Variants in ARHGEF10 observed in about 807,000 individuals in gnomAD.
ARHGEF10 encodes the protein Rho guanine nucleotide exchange factor 10, also known as Rho guanine nucleotide exchange factor (GEF) 10.
A neutral mutation model predicts 147.4 loss-of-function variants in ARHGEF10; 140 were observed. The observed-to-expected ratio is 0.95, with a 90% CI of 0.83 to 1.09. The LOEUF (loss-of-function observed/expected upper bound fraction) is 1.09, where lower values mean the gene tolerates loss of function less well. Ranked by LOEUF, ARHGEF10 falls within the 50% of genes least tolerant of loss-of-function variation. The probability of loss-of-function intolerance (pLI) is 0.00; values close to 1 mark genes in which losing one functional copy is unlikely to be tolerated. For synonymous variants in ARHGEF10, 902 were observed against 695.8 expected (o/e 1.30, Z -4.67); for missense variants, 2,222 against 1,752.7 (o/e 1.27, Z -4.78).
At chr8:1,841,499 T>C (rs959749023) in intron 1 of ARHGEF10, among the ~76,000 whole-genome samples, 3 of 152,160 alleles carry the variant, frequency 2.0e-5, no homozygotes, top group Admixed American at 2.0e-4. Flanking sequence ...CTACAGAGTG[T>C]GTTACGGTGT....
intron 26 of ARHGEF10, among the ~76,000 whole-genome samples, chr8:1,939,535 G>A (rs1008614377): frequency 7.2e-5 from 11 of 152,338 alleles, no homozygotes; most frequent in African/African-American, 2.4e-4. Flanking sequence ...CGGTTACTAC[G>A]AGTTTCACGA....
At chr8:1,857,871 G>GATCTATCT (rs1333768391) in intron 2 of ARHGEF10, 89 bp from the exon 3 acceptor site, 56 of 425,224 alleles carry the variant, frequency 1.3e-4, no homozygotes, top group Admixed American at 4.1e-4. Context: ...GGCTAACATA[G>GATCTATCT]ATCGATCGAT....
chr8:1,935,745 G>A (rs780605478), intron 26 of ARHGEF10, among the ~76,000 whole-genome samples: 31 of 152,322 alleles, frequency 2.0e-4, no homozygotes, highest in Non-Finnish European at 3.5e-4. Context: ...CAAACACTTG[G>A]GAGTGTCCTA....
In ARHGEF10 at chr8:1,905,784, C is replaced by A. The variant is rs111561669; in HGVS notation, c.1967+68C>A. On this transcript the variant is annotated intron_variant, in intron 17 of 28. Transcript: ENST00000349830. ...TGTTACCTTTGCCTAAGGGCACATGCATGACTTTGTTAATTCTGTCACTCA... is the reference window on the plus strand; with the variant it reads ...TGTTACCTTTGCCTAAGGGCACATGAATGACTTTGTTAATTCTGTCACTCA... 1.1e-3 allele frequency: 1,737 copies of A among 1,581,182 alleles called. 10 individuals carry two copies. In the African/African-American group the frequency reaches 0.02, roughly 19 times the overall value.
intron 17 of ARHGEF10, among the ~76,000 whole-genome samples, chr8:1,906,036 T>G (rs1185468956): frequency 6.6e-6 from 1 of 152,244 alleles, no homozygotes; most frequent in East Asian, 1.9e-4. Flanking sequence ...ATGGTTTAAA[T>G]TCTCTCTTTA....
intron 18 of ARHGEF10, among the ~76,000 whole-genome samples, chr8:1,910,903 A>G (rs1811307837): frequency 6.6e-6 from 1 of 152,198 alleles, no homozygotes; most frequent in African/African-American, 2.4e-5. Flanking sequence ...TATTCCATGC[A>G]ATGTTATATT....
chr8:1,909,491 C>G (rs368546457), intron 18 of ARHGEF10, 21 bp downstream of exon 18: 1 of 1,613,120 alleles, frequency 6.2e-7, no homozygotes, highest in Non-Finnish European at 8.5e-7. Context: ...CTTTCTCTCA[C>G]GTTCGTGCCG....
chr8:1,913,038 T>G (rs539949356), intron 18 of ARHGEF10, among the ~76,000 whole-genome samples: 3 of 150,020 alleles, frequency 2.0e-5, no homozygotes, highest in African/African-American at 4.9e-5. Flanking sequence ...TGTGGGGGGG[T>G]TTCTTCATGC....
chr8:1,893,596 G>T lies in ARHGEF10; in HGVS notation c.1210G>T (p.Val404Phe), dbSNP rs771513713. Residue 404 changes from valine (V) to phenylalanine (F), a missense_variant, in exon 12 of 29, where the codon GTT (valine) becomes TTT (phenylalanine). Coordinates refer to ENST00000349830, the MANE Select transcript of ARHGEF10 (RefSeq NM_014629.4). Reference protein sequence around the residue: ...QVVRRYILGSVVDSEKNYVDA... With the variant: ...QVVRRYILGSFVDSEKNYVDA... The stretch of plus-strand genomic sequence containing the variant: ...TGTAAGAAGATATATACTGGGTTCA[G>T]TTGTCGACAGTGAAAAGAACTACGT... 1 of 1,613,718 alleles carries T rather than the reference G, an allele frequency of 6.2e-7. No individual in the cohort carries two copies. The highest frequency in any genetic ancestry group is 8.5e-7 in the Non-Finnish European group (1 of 1,179,776).
intron 1 of ARHGEF10, among the ~76,000 whole-genome samples, chr8:1,840,886 C>T (rs1035700118): frequency 1.3e-5 from 2 of 152,108 alleles, no homozygotes; most frequent in Non-Finnish European, 2.9e-5. Flanking sequence ...GAGGGTGGGC[C>T]CCTACCGCCT....
At chr8:1,867,539 C>T (rs1008971384) in intron 6 of ARHGEF10, among the ~76,000 whole-genome samples, 7 of 152,126 alleles carry the variant, frequency 4.6e-5, no homozygotes, top group Non-Finnish European at 8.8e-5. Context: ...TTAAAGCGAG[C>T]GCATTTCCAA....
At chr8:1,932,834 C>T (rs1813262332) in intron 25 of ARHGEF10, among the ~76,000 whole-genome samples, 1 of 152,148 alleles carries the variant, frequency 6.6e-6, no homozygotes, top group African/African-American at 2.4e-5. Flanking sequence ...AGAACTGAGG[C>T]CGTGTTCTCC....
chr8:1,873,442 G>A (rs1349309751), intron 7 of ARHGEF10, among the ~76,000 whole-genome samples: 3 of 151,584 alleles, frequency 2.0e-5, no homozygotes, highest in Non-Finnish European at 4.4e-5. Flanking sequence ...GAGCCCGCGG[G>A]GTAGTGCACC....
chr8:1,906,728 T>C (rs1276959865), intron 17 of ARHGEF10, among the ~76,000 whole-genome samples: 1 of 152,184 alleles, frequency 6.6e-6, no homozygotes, highest in Admixed American at 6.5e-5. Flanking sequence ...ATAGGGTTGA[T>C]CATAAAAATA....
chr8:1,927,110 C>T (rs1812750598), intron 23 of ARHGEF10: 1 of 158,590 alleles, frequency 6.3e-6, no homozygotes, highest in Non-Finnish European at 1.4e-5. Context: ...GGTCAGTGTT[C>T]CTAGTTGAGT....
intron 2 of ARHGEF10, among the ~76,000 whole-genome samples, chr8:1,847,105 G>C (rs1804622207): frequency 6.6e-6 from 1 of 152,062 alleles, no homozygotes; most frequent in Non-Finnish European, 1.5e-5. Context: ...TTGGCAACAC[G>C]TCAGGTCATC....
At chr8:1,899,171 C>T (rs901778004) in intron 15 of ARHGEF10, among the ~76,000 whole-genome samples, 15 of 152,190 alleles carry the variant, frequency 9.9e-5, no homozygotes, top group Non-Finnish European at 2.2e-4. Flanking sequence ...CTCTAGGTCA[C>T]GTCTGATGCA....
At chr8:1,851,100 A>G (rs1370872714) in intron 2 of ARHGEF10, among the ~76,000 whole-genome samples, 4 of 151,984 alleles carry the variant, frequency 2.6e-5, no homozygotes, top group African/African-American at 9.7e-5. Context: ...ATAATGGTGC[A>G]TCCATGTCAT....
Position 1,944,160 on chromosome 8 carries a change from G to A in ARHGEF10, c.3223-1321G>A, listed in dbSNP as rs912928300. The stretch of plus-strand genomic sequence containing the variant: ...CCTCCCGCATCGTGTCGCCTCCCTC[G>A]GGATCCCAGCTTCCCGCACCGTGCT... On this transcript the variant is annotated intron_variant, in intron 26 of 28. Transcript: ENST00000349830. 2.9e-4 allele frequency among the ~76,000 whole-genome samples: 37 copies of A among 125,556 alleles called. No individual in the cohort carries two copies. The South Asian group carries it at 4.9e-3, about 17-fold the overall frequency. The allele number at this position is 125,556 out of a possible 152,430, so 82.4% of individuals were successfully genotyped here.
Sources: allele counts gnomAD v4.1 joint callset (sites outside exome capture counted in the v4.1 genomes callset), GRCh38; gene constraint gnomAD v4.1.1; transcripts MANE v1.5; gene names NCBI Gene and HGNC (gene_info 2026-07-23, HGNC 2026-07-21).